Variants in CSMD1 observed in about 807,000 individuals in gnomAD.
CSMD1 encodes the protein CUB and Sushi multiple domains 1, also known as CUB and sushi domain-containing protein 1.
A neutral mutation model predicts 417.5 loss-of-function variants in CSMD1; 213 were observed. The observed-to-expected ratio is 0.51, with a 90% CI of 0.46 to 0.57. CSMD1 has a LOEUF of 0.57. Ranked by LOEUF, CSMD1 falls within the 20% of genes least tolerant of loss-of-function variation. CSMD1 has a pLI of 0.00. For synonymous variants in CSMD1, 2,862 were observed against 1,736.8 expected (o/e 1.65, Z -16.11); for missense variants, 6,923 against 4,529.7 (o/e 1.53, Z -15.17).
intron 4 of CSMD1, among the ~76,000 whole-genome samples, chr8:4,029,872 G>A (rs1329474963): frequency 1.3e-5 from 2 of 151,106 alleles, no homozygotes; most frequent in East Asian, 2.0e-4. Flanking sequence ...GGTAAATACA[G>A]CCATTCAAAA....
chr8:4,692,204 T>C (rs17071039), intron 1 of CSMD1, among the ~76,000 whole-genome samples: 5,598 of 152,184 alleles, frequency 0.037, 307 homozygotes, highest in African/African-American at 0.12. Context: ...AGGGAAATCA[T>C]GGCTACTTAC....
chr8:4,293,731 C>A (rs1365685691), intron 3 of CSMD1, among the ~76,000 whole-genome samples: 1 of 152,140 alleles, frequency 6.6e-6, no homozygotes, highest in Non-Finnish European at 1.5e-5. Flanking sequence ...ATGCTTTAGA[C>A]ATATTAAAGC....
intron 3 of CSMD1, among the ~76,000 whole-genome samples, chr8:4,363,749 C>G (rs1051923081): frequency 1.3e-4 from 20 of 152,136 alleles, no homozygotes; most frequent in African/African-American, 4.6e-4. Context: ...AAGACAGGAT[C>G]TCATTTTTCA....
chr8:4,917,254 G>C (rs1418165976), intron 1 of CSMD1, among the ~76,000 whole-genome samples: 1 of 152,110 alleles, frequency 6.6e-6, no homozygotes, highest in South Asian at 2.1e-4. Flanking sequence ...AGCAGTAGGG[G>C]GATGGTTCTA....
intron 12 of CSMD1, among the ~76,000 whole-genome samples, chr8:3,436,891 T>C: frequency 6.6e-6 from 1 of 152,166 alleles, no homozygotes; most frequent in East Asian, 1.9e-4. Flanking sequence ...GTAATGCCAA[T>C]TATTATTTTC....
chr8:4,964,411 T>C (rs1389168874), intron 1 of CSMD1, among the ~76,000 whole-genome samples: 1 of 139,610 alleles, frequency 7.2e-6, no homozygotes, highest in Admixed American at 7.9e-5. Flanking sequence ...CCCAGCTACC[T>C]GGGAAGCTGA....
chr8:3,626,429 G>A (rs1180892230), intron 7 of CSMD1, among the ~76,000 whole-genome samples: 1 of 152,042 alleles, frequency 6.6e-6, no homozygotes, highest in Non-Finnish European at 1.5e-5. Context: ...CTGTAATTCA[G>A]GCCAGCAACT....
At chr8:3,999,985 G>T (rs78199117) in intron 4 of CSMD1, among the ~76,000 whole-genome samples, 10 of 152,260 alleles carry the variant, frequency 6.6e-5, no homozygotes, top group Admixed American at 2.0e-4. Flanking sequence ...ATGCTACCAC[G>T]GTAGTGTTTC....
rs754606086 is a variant in CSMD1, at chr8:3,397,530, C to A, written c.2406-1149G>T. On this transcript the variant is annotated intron_variant, in intron 16 of 69. Transcript: ENST00000635120. Reference sequence around the variant, plus strand: ...TTTGAACCATTTGTATATCACACATCTGGACCAGAATAAGGCCACAGGCTG... The same window carrying A: ...TTTGAACCATTTGTATATCACACATATGGACCAGAATAAGGCCACAGGCTG... Among the ~76,000 whole-genome samples the A allele has an allele frequency of 5.9e-5, 9 of 152,212 alleles. No homozygotes were observed. The East Asian group carries it at 1.7e-3, about 29-fold the overall frequency.
chr8:4,557,487 T>G (rs1798147760), intron 2 of CSMD1, among the ~76,000 whole-genome samples: 1 of 152,076 alleles, frequency 6.6e-6, no homozygotes, highest in Non-Finnish European at 1.5e-5. Flanking sequence ...ATTCTATCAT[T>G]TAAATGACTG....
chr8:4,605,498 T>C (rs1800818768), intron 2 of CSMD1, among the ~76,000 whole-genome samples: 1 of 152,186 alleles, frequency 6.6e-6, no homozygotes, highest in South Asian at 2.1e-4. Flanking sequence ...ACTGCCAATT[T>C]ACCTAATTGA....
Position 3,326,178 on chromosome 8 carries a change from G to A in CSMD1, c.3631+17116C>T, listed in dbSNP as rs112224967. ...GACAACATCATACACTGACAGTTCC[G>A]TCTTCGCGATGATATACATGTTGGT... On this transcript the variant is annotated intron_variant, in intron 23 of 69. Transcript: ENST00000635120. Among the ~76,000 whole-genome samples the A allele has an allele frequency of 4.9e-3, 753 of 152,260 alleles. 1 individual carries two copies. Among genetic ancestry groups the A allele is most frequent in the Non-Finnish European group, 8.1e-3 (548 of 68,022 alleles).
intron 5 of CSMD1, among the ~76,000 whole-genome samples, chr8:3,813,798 T>C (rs978664791): frequency 2.0e-5 from 3 of 151,978 alleles, no homozygotes; most frequent in African/African-American, 2.4e-5. Flanking sequence ...TAATGTCTTC[T>C]GTTACTGAAA....
intron 5 of CSMD1, among the ~76,000 whole-genome samples, chr8:3,946,812 A>G (rs962799888): frequency 1.3e-5 from 2 of 152,134 alleles, no homozygotes; most frequent in Admixed American, 1.3e-4. Flanking sequence ...TAAATCTGTC[A>G]TATTTTAATT....
chr8:4,355,325 G>GCACACACACACACA (rs34254586), intron 3 of CSMD1, among the ~76,000 whole-genome samples: 3 of 148,672 alleles, frequency 2.0e-5, no homozygotes, highest in Non-Finnish European at 4.5e-5. Flanking sequence ...ACACACACAC[G>GCACACACACACACA]CACACACACA....
intron 1 of CSMD1, among the ~76,000 whole-genome samples, chr8:4,751,924 A>G (rs1170621139): frequency 1.3e-5 from 2 of 152,226 alleles, no homozygotes; most frequent in African/African-American, 4.8e-5. Context: ...CAGAGTCAGG[A>G]AGATCCATGT....
At chr8:4,317,164 T>G (rs117870815) in intron 3 of CSMD1, among the ~76,000 whole-genome samples, 1 of 152,206 alleles carries the variant, frequency 6.6e-6, no homozygotes, top group African/African-American at 2.4e-5. Flanking sequence ...AAATCCCTTG[T>G]AAAGTTTTAC....
At chr8:3,609,900 C>T (rs1458449569) in intron 8 of CSMD1, among the ~76,000 whole-genome samples, 3 of 122,318 alleles carry the variant, frequency 2.5e-5, no homozygotes, top group East Asian at 2.7e-4. Flanking sequence ...CTCCTGGGTT[C>T]AAACGATTCT....
chr8:3,776,298 G>A (rs1459821740), intron 5 of CSMD1, among the ~76,000 whole-genome samples: 3 of 152,122 alleles, frequency 2.0e-5, no homozygotes, highest in Non-Finnish European at 4.4e-5. Flanking sequence ...GTCCAGAGGG[G>A]TCACATACAA....
Sources: gnomAD v4.1 joint callset for allele counts (sites outside exome capture counted in the v4.1 genomes callset) on GRCh38, gnomAD v4.1.1 for gene constraint, MANE v1.5 for transcripts, NCBI Gene and HGNC (gene_info 2026-07-23, HGNC 2026-07-21) for gene names.